The following OPCML variants were observed in gnomAD, a reference collection of about 807,000 sequenced individuals.
OPCML encodes the protein opioid binding protein/cell adhesion molecule like.
OPCML carries 13 observed loss-of-function variants against 37.8 expected under a neutral mutation model. The observed-to-expected ratio is 0.34, with a 90% confidence interval of 0.22 to 0.55. The LOEUF is 0.55. Among genes scored for constraint, OPCML ranks in the 20% least tolerant of loss-of-function variants. The probability of loss-of-function intolerance (pLI) is 0.91; values close to 1 mark genes in which losing one functional copy is unlikely to be tolerated. For synonymous variants in OPCML, 176 were observed against 168.8 expected, an observed-to-expected ratio of 1.04 and a Z score of -0.33; for missense variants, 341 against 435.6, an observed-to-expected ratio of 0.78 and a Z score of 1.93.
intron 1 of OPCML, among the ~76,000 whole-genome samples, chr11:133,158,305 G>T (rs570011936): frequency 6.6e-6 from 1 of 152,266 alleles, no homozygotes; most frequent in South Asian, 2.1e-4. Context: ...AGGCTTAGTT[G>T]AGAAACCCAA....
At chr11:132,437,173 T>C in intron 5 of OPCML, 49 bp downstream of exon 5, 2 of 1,600,506 alleles carry the variant, frequency 1.2e-6, no homozygotes, top group Non-Finnish European at 1.7e-6. Flanking sequence ...GTCCACCTAC[T>C]CCCTGTGCCG....
Position 133,099,442 on chromosome 11 carries a change from C to CTTTTTTTT in OPCML, c.62-156440_62-156433dup, listed in dbSNP as rs35161811. ...CACACCTGGCTAATTTTCTTTTTTT[C>CTTTTTTTT]TTTTTTTTTTTTTTTTTTGTATTTT... On this transcript the variant is annotated intron_variant, in intron 1 of 7. Transcript: ENST00000524381. 5.6e-3 allele frequency among the ~76,000 whole-genome samples: 663 copies of CTTTTTTTT among 119,042 alleles called. 1 individual carries two copies. The highest frequency in any genetic ancestry group is 9.5e-3 in the Middle Eastern group (2 of 210). The allele number at this position is 119,042 out of a possible 152,430, so 78.1% of individuals were successfully genotyped here. A position where few individuals can be genotyped will look rare whatever the true frequency, so the allele number is the denominator to read the frequency against.
At chr11:132,996,631 A>C (rs1184496426) in intron 1 of OPCML, among the ~76,000 whole-genome samples, 1 of 151,782 alleles carries the variant, frequency 6.6e-6, no homozygotes, top group East Asian at 1.9e-4. Flanking sequence ...AAAAAAAAAA[A>C]AAAAATACTT....
intron 3 of OPCML, among the ~76,000 whole-genome samples, chr11:132,538,002 A>G (rs2096345548): frequency 6.6e-6 from 1 of 152,214 alleles, no homozygotes; most frequent in Non-Finnish European, 1.5e-5. Context: ...GACAGTCTGT[A>G]AGTTCTTCAA....
intron 1 of OPCML, among the ~76,000 whole-genome samples, chr11:133,504,973 G>A (rs1187794254): frequency 6.6e-6 from 1 of 152,210 alleles, no homozygotes; most frequent in African/African-American, 2.4e-5. Context: ...AAGAAAGGTT[G>A]AGACACCCCC....
chr11:133,141,553 A>C (rs1469781084), intron 1 of OPCML, among the ~76,000 whole-genome samples: 1 of 152,064 alleles, frequency 6.6e-6, no homozygotes, highest in African/African-American at 2.4e-5. Context: ...AGATGACGGC[A>C]GTTCATAACT....
intron 1 of OPCML, among the ~76,000 whole-genome samples, chr11:133,280,624 G>A (rs1376206125): frequency 6.6e-6 from 1 of 152,180 alleles, no homozygotes; most frequent in African/African-American, 2.4e-5. Flanking sequence ...ATAATTGCAT[G>A]TCCTGTGTCT....
chr11:133,313,961 C>A (rs7930006), intron 1 of OPCML, among the ~76,000 whole-genome samples: 4 of 151,994 alleles, frequency 2.6e-5, no homozygotes, highest in African/African-American at 9.7e-5. Flanking sequence ...TCAGGCTGGG[C>A]GCAGTGGCTC....
At chr11:132,507,887 T>A (rs904244934) in intron 4 of OPCML, among the ~76,000 whole-genome samples, 2 of 151,900 alleles carry the variant, frequency 1.3e-5, no homozygotes, top group African/African-American at 4.8e-5. Flanking sequence ...AAAATAAACA[T>A]CATTTTAAAA....
intron 2 of OPCML, among the ~76,000 whole-genome samples, chr11:132,870,390 C>T (rs924415465): frequency 6.6e-6 from 1 of 152,030 alleles, no homozygotes; most frequent in African/African-American, 2.4e-5. Context: ...GAAGAGAGAA[C>T]GCTTGCACAT....
At chr11:132,805,431 C>CA (rs2136213164) in intron 2 of OPCML, among the ~76,000 whole-genome samples, 1 of 152,188 alleles carries the variant, frequency 6.6e-6, no homozygotes, top group South Asian at 2.1e-4. Context: ...GAAACCAGAC[C>CA]AACCTATTGA....
intron 2 of OPCML, among the ~76,000 whole-genome samples, chr11:132,762,879 G>A (rs1946312963): frequency 6.6e-6 from 1 of 152,092 alleles, no homozygotes; most frequent in Non-Finnish European, 1.5e-5. Context: ...TACACCTGCA[G>A]CTAGCTCGGT....
intron 1 of OPCML, among the ~76,000 whole-genome samples, chr11:133,323,555 T>C (rs1211199024): frequency 6.6e-6 from 1 of 152,150 alleles, no homozygotes; most frequent in Non-Finnish European, 1.5e-5. Flanking sequence ...TTGTGGGTCA[T>C]GCTATTGGTG....
chr11:133,396,251 T>C (rs1168121768), intron 1 of OPCML, among the ~76,000 whole-genome samples: 1 of 152,184 alleles, frequency 6.6e-6, no homozygotes, highest in East Asian at 1.9e-4. Flanking sequence ...AAATTATTTA[T>C]ACAAATAAAT....
At chr11:133,442,568 A>T (rs1946384499) in intron 1 of OPCML, among the ~76,000 whole-genome samples, 1 of 152,222 alleles carries the variant, frequency 6.6e-6, no homozygotes, top group African/African-American at 2.4e-5. Context: ...CAGTGAAACA[A>T]TTTGGGGAAA....
intron 1 of OPCML, among the ~76,000 whole-genome samples, chr11:133,033,077 A>T (rs1400661366): frequency 6.6e-6 from 1 of 152,194 alleles, no homozygotes; most frequent in Non-Finnish European, 1.5e-5. Flanking sequence ...TCAAGGACTA[A>T]AAATAGATTC....
intron 1 of OPCML, among the ~76,000 whole-genome samples, chr11:133,063,576 TTTC>T (rs1948387698): frequency 6.6e-6 from 1 of 151,770 alleles, no homozygotes; most frequent in African/African-American, 2.4e-5. Flanking sequence ...TGGTTTTTTT[TTTC>T]GGAGGGAGTT....
At chr11:132,953,427 A>G (rs1945906526) in intron 1 of OPCML, among the ~76,000 whole-genome samples, 1 of 152,148 alleles carries the variant, frequency 6.6e-6, no homozygotes, top group African/African-American at 2.4e-5. Flanking sequence ...CATCAACTAC[A>G]TTAAAGCATT....
At chr11:133,319,394 G>C (rs1943278055) in intron 1 of OPCML, among the ~76,000 whole-genome samples, 1 of 152,166 alleles carries the variant, frequency 6.6e-6, no homozygotes, top group Non-Finnish European at 1.5e-5. Context: ...TCTCCCTTAT[G>C]AGACAGTAAG....
Sources: allele counts gnomAD v4.1 joint callset (sites outside exome capture counted in the v4.1 genomes callset), GRCh38; gene constraint gnomAD v4.1.1; transcripts MANE v1.5; gene names NCBI Gene and HGNC (gene_info 2026-07-23, HGNC 2026-07-21).